The following PCDHGB4 variants were observed in gnomAD, a reference collection of about 807,000 sequenced individuals.
The protein encoded by PCDHGB4 is protocadherin gamma-B4.
In PCDHGB4, 38 loss-of-function variants were observed where a neutral mutation model predicts 60.5. The observed-to-expected ratio is 0.63, with a 90% confidence interval of 0.48 to 0.82. PCDHGB4 has a LOEUF of 0.82. Among genes scored for constraint, PCDHGB4 ranks in the 40% least tolerant of loss-of-function variants. The pLI, the probability that PCDHGB4 is intolerant of heterozygous loss-of-function variation, is 0.00. For missense variants in PCDHGB4, 1,109 were observed against 1,209.6 expected, an observed-to-expected ratio of 0.92 and a Z score of 1.23; for synonymous variants, 456 against 509.7, an observed-to-expected ratio of 0.89 and a Z score of 1.42.
chr5:141,402,369 A>C (rs1281295306), intron 1 of PCDHGB4, among the ~76,000 whole-genome samples: 1 of 152,066 alleles, frequency 6.6e-6, no homozygotes, highest in Non-Finnish European at 1.5e-5. Context: ...ACTTCCAAAC[A>C]AGATTGCACA....
intron 1 of PCDHGB4, chr5:141,393,678 A>T: frequency 6.2e-7 from 1 of 1,613,904 alleles, no homozygotes; most frequent in Non-Finnish European, 8.5e-7. Context: ...TGAAAAACAA[A>T]CTCCGTTATT....
chr5:141,505,591 G>C (rs2099846959), intron 3 of PCDHGB4, 110 bp downstream of exon 3: 2 of 1,570,280 alleles, frequency 1.3e-6, no homozygotes, highest in African/African-American at 2.7e-5. Flanking sequence ...AGTTTCTCCA[G>C]ATCTTTCGGC....
At chr5:141,419,325 A>C in intron 1 of PCDHGB4, 1 of 1,613,702 alleles carries the variant, frequency 6.2e-7, no homozygotes, top group African/African-American at 1.3e-5. Flanking sequence ...CGTGTCTCCT[A>C]CTCTCTCATT....
In PCDHGB4 at chr5:141,388,842, A is replaced by C; in HGVS notation, c.958A>C (p.Arg320=). 1 of 1,614,014 alleles carries C rather than the reference A, an allele frequency of 6.2e-7. No homozygotes were observed. The highest frequency in any genetic ancestry group is 8.5e-7 in the Non-Finnish European group (1 of 1,179,880). Residue 320 remains arginine (R), a synonymous_variant, in exon 1 of 4, where the codon AGG becomes CGG. Transcript: ENST00000519479. The part of the protein sequence containing the change: ...VKEYSIVLEA[R]DGGGMIAQCT... The stretch of plus-strand genomic sequence containing the variant: ...AGAATATTCCATAGTTTTGGAAGCA[A>C]GGGACGGTGGAGGAATGATTGCGCA...
chr5:141,452,701 G>A (rs2098747163), intron 1 of PCDHGB4, among the ~76,000 whole-genome samples: 1 of 151,838 alleles, frequency 6.6e-6, no homozygotes, highest in Non-Finnish European at 1.5e-5. Context: ...TGTCAAGAAA[G>A]AAAGGAAGGA....
intron 1 of PCDHGB4, chr5:141,394,500 C>A (rs1450931785): frequency 3.7e-6 from 6 of 1,614,124 alleles, no homozygotes; most frequent in Non-Finnish European, 5.1e-6. Context: ...GCCCGAGATC[C>A]TGTACCCCGC....
intron 1 of PCDHGB4, chr5:141,400,367 C>A (rs372561902): frequency 6.8e-5 from 110 of 1,613,946 alleles, no homozygotes; most frequent in Non-Finnish European, 8.8e-5. Flanking sequence ...TTGCCTTATT[C>A]CTACAACCTA....
intron 1 of PCDHGB4, among the ~76,000 whole-genome samples, chr5:141,406,591 A>T (rs559975786): frequency 6.6e-6 from 1 of 152,164 alleles, no homozygotes; most frequent in African/African-American, 2.4e-5. Flanking sequence ...TTTCCCTTTA[A>T]TGGTGAAAGT....
rs372276550 is a variant in PCDHGB4 at position 141,389,481 on chromosome 5, C to T, written c.1597C>T (p.Arg533Cys). The T allele has an allele frequency of 3.1e-6, 5 of 1,612,962 alleles. No homozygotes were observed. The highest frequency in any genetic ancestry group is 1.3e-5 in the African/African-American group (1 of 74,934). The change falls in exon 1 of 4, where the codon CGC becomes TGC. Residue 533 changes from arginine (R) to cysteine (C), a missense_variant. Arg to Cys is a radical substitution (Grantham distance 180). Coordinates refer to ENST00000519479, the MANE Select transcript of PCDHGB4 (RefSeq NM_003736.4). Reference protein sequence around the residue: ...LRAFELTLQARDQGSPALSAN... With the variant: ...LRAFELTLQACDQGSPALSAN... ...CGCCTTCGAACTCACACTGCAGGCCCGCGACCAGGGCTCGCCAGCGCTCAG... is the reference window on the plus strand; with the variant it reads ...CGCCTTCGAACTCACACTGCAGGCCTGCGACCAGGGCTCGCCAGCGCTCAG...
intron 1 of PCDHGB4, among the ~76,000 whole-genome samples, chr5:141,466,975 A>C (rs769024064): frequency 2.6e-5 from 4 of 151,842 alleles, no homozygotes; most frequent in Non-Finnish European, 5.9e-5. Context: ...CTCACAGCTC[A>C]TCATTTACCT....
rs1345224043 is a variant in PCDHGB4, at chr5:141,487,695, C to G, written c.2398-7112C>G. Reference sequence around the variant, plus strand: ...TGGCTAGGCCATGTCCTAGAGAGTACTGGCCTCTCAGTAAGTGCCCATAGT... The same window carrying G: ...TGGCTAGGCCATGTCCTAGAGAGTAGTGGCCTCTCAGTAAGTGCCCATAGT... On this transcript the variant is annotated intron_variant, in intron 1 of 3. Transcript: ENST00000519479. The surrounding 1 kb of genome is among the most constrained non-coding windows in gnomAD (Gnocchi z 5.0). 1 of 1,601,306 alleles carries G rather than the reference C, an allele frequency of 6.2e-7. No individual in the cohort carries two copies.
At chr5:141,430,909 G>A (rs1054175762) in intron 1 of PCDHGB4, 2 of 1,607,160 alleles carry the variant, frequency 1.2e-6, no homozygotes, top group Non-Finnish European at 1.7e-6. Context: ...ACATCTCCAG[G>A]GACCTGGGGC....
chr5:141,415,883 G>A (rs2095968409), intron 1 of PCDHGB4: 1 of 983,982 alleles, frequency 1.0e-6, no homozygotes, highest in African/African-American at 1.7e-5. Context: ...GTACAATATT[G>A]ACAATTCCTA....
rs374200575 is a variant in PCDHGB4, at chr5:141,432,105, C to T, written c.2397+41824C>T. On this transcript the variant is annotated intron_variant, in intron 1 of 3. Transcript: ENST00000519479. The surrounding 1 kb of genome is among the most constrained non-coding windows in gnomAD (Gnocchi z 6.0). ...AACGTGGCAGACACCAACGACAACC[C>T]GCCGGTCTTCCCTCAGGCCTCCTAT... 1.9e-6 allele frequency: 3 copies of T among 1,614,172 alleles called. No homozygotes were observed. Among genetic ancestry groups the T allele is most frequent in the Admixed American group, 3.3e-5 (2 of 60,032 alleles).
intron 1 of PCDHGB4, chr5:141,392,935 A>G: frequency 1.2e-6 from 2 of 1,613,932 alleles, no homozygotes; most frequent in Non-Finnish European, 1.7e-6. Flanking sequence ...GAGACGGACA[A>G]AGGCTCCTTC....
chr5:141,410,090 C>A (rs369832481), intron 1 of PCDHGB4: 51 of 1,612,358 alleles, frequency 3.2e-5, no homozygotes, highest in Middle Eastern at 1.7e-4. Context: ...GCGCACGGCT[C>A]GAGCCTTAGG....
At chr5:141,440,631 A>C (rs1036203175) in intron 1 of PCDHGB4, 2 of 152,224 alleles carry the variant, frequency 1.3e-5, no homozygotes, top group African/African-American at 4.8e-5. Flanking sequence ...ATGTTGAGAG[A>C]AATTCCTTAC....
intron 1 of PCDHGB4, chr5:141,399,589 A>T: frequency 6.2e-7 from 1 of 1,613,984 alleles, no homozygotes; most frequent in Non-Finnish European, 8.5e-7. Context: ...CTACTCTATC[A>T]TGGCCAGCGA....
In PCDHGB4 at chr5:141,418,244, C is replaced by T. The variant is rs746986702; in HGVS notation, c.2397+27963C>T. 1.3e-5 allele frequency: 21 copies of T among 1,613,980 alleles called. No individual in the cohort carries two copies. The South Asian group carries it at 2.2e-4, about 17-fold the overall frequency. ...TGTGGTGATTGAGGATGTTAATGAC[C>T]ACGCCCCTCAATTCCGGAAAGATGA... is the stretch of plus-strand genomic sequence containing the variant. On this transcript the variant is annotated intron_variant, in intron 1 of 3. Transcript: ENST00000519479.
Sources: allele counts gnomAD v4.1 joint callset (sites outside exome capture counted in the v4.1 genomes callset), GRCh38; gene constraint gnomAD v4.1.1; non-coding constraint Gnocchi (gnomAD v3.1); transcripts MANE v1.5; gene names NCBI Gene and HGNC (gene_info 2026-07-23, HGNC 2026-07-21).